SEC61B: variants seen among roughly 807,000 people sequenced by gnomAD.
SEC61B encodes the protein protein transport protein Sec61 subunit beta.
Under a neutral mutation model 12.6 loss-of-function variants are expected in SEC61B, and 7 were observed. The observed-to-expected ratio is 0.55, with a 90% CI of 0.32 to 1.04. The LOEUF is 1.04. Among genes scored for constraint, SEC61B ranks in the 50% least tolerant of loss-of-function variants. The probability of loss-of-function intolerance (pLI) is 0.05; values close to 1 mark genes in which losing one functional copy is unlikely to be tolerated. For synonymous variants in SEC61B, 54 were observed against 50.1 expected (o/e 1.08, Z -0.33); for missense variants, 107 against 130.1 (o/e 0.82, Z 0.86).
At position 99,222,341 on chromosome 9, in the gene SEC61B, G is replaced by A; in HGVS notation, c.-23G>A. 6.2e-7 allele frequency: 1 copy of A among 1,614,138 alleles called. No homozygotes were observed. Among genetic ancestry groups the A allele is most frequent in the Non-Finnish European group, 8.5e-7 (1 of 1,180,024 alleles). Reference sequence around the variant, plus strand: ...TAACTTTCTATCCGTCCGCGTCAGCGCCTTGCCACCCTCATCTCCAATATG... The same window carrying A: ...TAACTTTCTATCCGTCCGCGTCAGCACCTTGCCACCCTCATCTCCAATATG... On this transcript the variant is annotated 5_prime_UTR_variant, in exon 1 of 4. Coordinates refer to ENST00000223641, the MANE Select transcript of SEC61B (RefSeq NM_006808.3).
Position 99,230,442 on chromosome 9 carries a change from T to A in SEC61B, c.*18T>A. ...GTTCGTAGATTCAGTTACATCCATC[T>A]GTCATCTGAAGAAGGAGGAAAAAAC... is the stretch of plus-strand genomic sequence containing the variant. On this transcript the variant is annotated 3_prime_UTR_variant, in exon 4 of 4. Coordinates refer to ENST00000223641, the MANE Select transcript of SEC61B (RefSeq NM_006808.3). 2 of 1,529,410 alleles carry A rather than the reference T, an allele frequency of 1.3e-6. No individual in the cohort carries two copies. The highest frequency in any genetic ancestry group is 1.8e-6 in the Non-Finnish European group (2 of 1,109,964). The allele number at this position is 1,529,410 out of a possible 1,614,324, so 94.7% of individuals were successfully genotyped here. A position where few individuals can be genotyped will look rare whatever the true frequency, so the allele number is the denominator to read the frequency against.
At chr9:99,226,101 G>T (rs1365841099) in intron 2 of SEC61B, among the ~76,000 whole-genome samples, 1 of 152,222 alleles carries the variant, frequency 6.6e-6, no homozygotes, top group Non-Finnish European at 1.5e-5. Context: ...CATAGGAATG[G>T]TCACACAATG....
rs778174057 is a variant in SEC61B at position 99,230,321 on chromosome 9, CTCT to C, written c.204-11_204-9del. The C allele has an allele frequency of 5.9e-6, 9 of 1,528,344 alleles. No individual in the cohort carries two copies. The highest frequency in any genetic ancestry group is 1.2e-5 in the South Asian group (1 of 86,676). The allele number at this position is 1,528,344 out of a possible 1,614,324, so 94.7% of individuals were successfully genotyped here. A position where few individuals can be genotyped will look rare whatever the true frequency, so the allele number is the denominator to read the frequency against. ...TTATTACTAAAAGTAAGCATGCTTTCTCTTCTTATTTCTAGTGGCCCTGTTCCA... is the reference window on the plus strand; with the variant it reads ...TTATTACTAAAAGTAAGCATGCTTTCTCTTATTTCTAGTGGCCCTGTTCCA... On this transcript the variant is annotated splice_polypyrimidine_tract_variant and intron_variant, in intron 3 of 3. Coordinates refer to ENST00000223641, the MANE Select transcript of SEC61B (RefSeq NM_006808.3).
intron 2 of SEC61B, among the ~76,000 whole-genome samples, chr9:99,226,921 G>A (rs555446483): frequency 7.9e-5 from 12 of 151,702 alleles, no homozygotes; most frequent in African/African-American, 2.2e-4. Flanking sequence ...TGTTCCCTGC[G>A]TTTTTTTTAC....
Position 99,230,548 on chromosome 9 carries a change from T to C in SEC61B, c.*124T>C. 1 of 664,796 alleles carries C rather than the reference T, an allele frequency of 1.5e-6. No individual in the cohort carries two copies. The highest frequency in any genetic ancestry group is 2.8e-5 in the East Asian group (1 of 35,606). The allele number at this position is 664,796 out of a possible 1,614,324, so 41.2% of individuals were successfully genotyped here. A position where few individuals can be genotyped will look rare whatever the true frequency, so the allele number is the denominator to read the frequency against. Reference sequence around the variant, plus strand: ...TGTAAGCTTGCTGTTTTACAGGGGATTTATCAATAATTGATTTTGAGGAAT... The same window carrying C: ...TGTAAGCTTGCTGTTTTACAGGGGACTTATCAATAATTGATTTTGAGGAAT... On this transcript the variant is annotated 3_prime_UTR_variant, in exon 4 of 4. Coordinates refer to ENST00000223641, the MANE Select transcript of SEC61B (RefSeq NM_006808.3).
intron 3 of SEC61B, among the ~76,000 whole-genome samples, chr9:99,229,407 CT>C (rs1828934715): frequency 6.6e-6 from 1 of 152,088 alleles, no homozygotes; most frequent in Admixed American, 6.6e-5. Flanking sequence ...TCATTGTAGT[CT>C]TGAATTCCTG....
At chr9:99,228,138 T>C (rs1828920425) in intron 3 of SEC61B, 138 bp downstream of exon 3, 1 of 635,904 alleles carries the variant, frequency 1.6e-6, no homozygotes, top group Non-Finnish European at 2.7e-6. Context: ...CCAGGCGGAC[T>C]GGGTTTGGTT....
In SEC61B at chr9:99,222,305, CG is replaced by C; in HGVS notation, c.-54del. 6.2e-7 allele frequency: 1 copy of C among 1,613,744 alleles called. No individual in the cohort carries two copies. Among genetic ancestry groups the C allele is most frequent in the South Asian group, 1.1e-5 (1 of 91,076 alleles). ...TCAGTCTCGCCAGCTGCCGGTCTTT[CG>C]GGGGCTCCGTAACTTTCTATCCGTC... On this transcript the variant is annotated 5_prime_UTR_variant, in exon 1 of 4. Transcript: ENST00000223641.
chr9:99,227,265 C>CAA (rs59719935), intron 2 of SEC61B, among the ~76,000 whole-genome samples: 28 of 10,716 alleles, frequency 2.6e-3, no homozygotes, highest in Non-Finnish European at 3.7e-3. Context: ...AACTCCATCT[C>CAA]AAAAAAAAAA....
intron 1 of SEC61B, 89 bp downstream of exon 1, chr9:99,222,455 C>T (rs1332386555): frequency 1.9e-6 from 3 of 1,606,658 alleles, no homozygotes; most frequent in Non-Finnish European, 1.7e-6. Context: ...AGCTCCCTTG[C>T]TTCCCCCAGC....
At chr9:99,223,416 T>C (rs1345395308) in intron 2 of SEC61B, among the ~76,000 whole-genome samples, 2 of 150,202 alleles carry the variant, frequency 1.3e-5, no homozygotes, top group Admixed American at 6.6e-5. Context: ...TTTTTTGGGA[T>C]GGAATCTCAC....
chr9:99,230,605 A>G lies in SEC61B; in HGVS notation c.*181A>G. On this transcript the variant is annotated 3_prime_UTR_variant, in exon 4 of 4. Coordinates refer to ENST00000223641, the MANE Select transcript of SEC61B (RefSeq NM_006808.3). The stretch of plus-strand genomic sequence containing the variant: ...TTTTCTATGGCTAATAAACTTTTTA[A>G]TTCACTTATACTGAGTCTGATCGTT... 1.9e-6 allele frequency: 1 copy of G among 538,472 alleles called. No individual in the cohort carries two copies. The allele number at this position is 538,472 out of a possible 1,614,324, so 33.4% of individuals were successfully genotyped here.
In SEC61B at chr9:99,227,947, A is replaced by T. The variant is rs763817359; in HGVS notation, c.150A>T (p.Ala50=). 4 of 1,614,118 alleles carry T rather than the reference A, an allele frequency of 2.5e-6. No individual in the cohort carries two copies. The highest frequency in any genetic ancestry group is 2.5e-6 in the Non-Finnish European group (3 of 1,180,014). The change falls in exon 3 of 4, where the codon GCA becomes GCT. Residue 50 remains alanine (A), a synonymous_variant. Coordinates refer to ENST00000223641, the MANE Select transcript of SEC61B (RefSeq NM_006808.3). ...GTRSAGRTTS[A]GTGGMWRFYT... ...GGAGTGCAGGCCGCACAACCTCGGC[A>T]GGCACCGGGGGGATGTGGCGATTCT...
chr9:99,222,716 A>G (rs1408239534), intron 2 of SEC61B, 73 bp downstream of exon 2: 21 of 1,067,540 alleles, frequency 2.0e-5, no homozygotes, highest in Non-Finnish European at 2.5e-5. Flanking sequence ...TCTGGGGTGG[A>G]GACCCTAGCA....
rs192596308 is a variant in SEC61B, at chr9:99,223,485, C to T, written c.101+842C>T. Among the ~76,000 whole-genome samples, 5 of 152,072 alleles carry T rather than the reference C, an allele frequency of 3.3e-5. No individual in the cohort carries two copies. In the East Asian group the frequency reaches 9.7e-4, roughly 29 times the overall value. ...CTCGGCTCACTACAGCCTTTGCCTC[C>T]AGAGTTCAAGCAATTCTCCTGCCTC... On this transcript the variant is annotated intron_variant, in intron 2 of 3. Transcript: ENST00000223641.
rs139436240 is a variant in SEC61B, at chr9:99,227,494, A to G, written c.102-405A>G. ...AAACAGGAATTTATTATTTGGCTTC[A>G]TGAAAGATGCATGTGAGGAGAAAGT... is the stretch of plus-strand genomic sequence containing the variant. On this transcript the variant is annotated intron_variant, in intron 2 of 3. Transcript: ENST00000223641. Among the ~76,000 whole-genome samples, 535 of 152,316 alleles carry G rather than the reference A, an allele frequency of 3.5e-3. 19 individuals carry two copies. The highest frequency in any genetic ancestry group is 0.025 in the Admixed American group (378 of 15,294).
chr9:99,229,862 A>C (rs546429439), intron 3 of SEC61B, among the ~76,000 whole-genome samples: 1 of 152,308 alleles, frequency 6.6e-6, no homozygotes, highest in Non-Finnish European at 1.5e-5. Context: ...TAGTTGTTTT[A>C]CAATATACAA....
At chr9:99,226,305 G>A (rs1828894656) in intron 2 of SEC61B, among the ~76,000 whole-genome samples, 1 of 152,204 alleles carries the variant, frequency 6.6e-6, no homozygotes, top group South Asian at 2.1e-4. Context: ...TCCCCGTGCT[G>A]TAGACAGTGC....
intron 2 of SEC61B, among the ~76,000 whole-genome samples, chr9:99,223,615 G>T (rs972694119): frequency 6.6e-6 from 1 of 151,796 alleles, no homozygotes; most frequent in Non-Finnish European, 1.5e-5. Flanking sequence ...GGATGGTCTC[G>T]ATCTCCTGAC....
Sources: gnomAD v4.1 joint callset for allele counts (sites outside exome capture counted in the v4.1 genomes callset) on GRCh38, gnomAD v4.1.1 for gene constraint, MANE v1.5 for transcripts, NCBI Gene and HGNC (gene_info 2026-07-23, HGNC 2026-07-21) for gene names.